The following ZBTB7C variants were observed in gnomAD, a reference collection of about 807,000 sequenced individuals.
The protein encoded by ZBTB7C is zinc finger and BTB domain containing 7C.
In ZBTB7C, 8 loss-of-function variants were observed where a neutral mutation model predicts 25.7. The ratio of observed to expected loss-of-function variants is 0.31; its 90% confidence interval spans 0.18 to 0.56. The LOEUF is 0.56. ZBTB7C is among the 20% of genes least tolerant of loss of function. ZBTB7C has a pLI of 0.91. For missense variants in ZBTB7C, 824 were observed against 855.2 expected (o/e 0.96, Z 0.46); for synonymous variants, 394 against 369.0 (o/e 1.07, Z -0.78).
intron 3 of ZBTB7C, among the ~76,000 whole-genome samples, chr18:48,132,315 T>C (rs1276169265): frequency 6.6e-6 from 1 of 152,172 alleles, no homozygotes; most frequent in African/African-American, 2.4e-5. Flanking sequence ...AAGACACTAG[T>C]CACAAAAGAC....
intron 3 of ZBTB7C, among the ~76,000 whole-genome samples, chr18:48,106,507 A>ATT (rs2039033245): frequency 6.6e-6 from 1 of 152,194 alleles, no homozygotes; most frequent in Non-Finnish European, 1.5e-5. Context: ...ACTCAAAAGG[A>ATT]GAAGTGTATT....
chr18:48,271,338 A>G (rs1347655144), intron 2 of ZBTB7C, among the ~76,000 whole-genome samples: 1 of 152,038 alleles, frequency 6.6e-6, no homozygotes, highest in Non-Finnish European at 1.5e-5. Context: ...CAAAAATCCT[A>G]TTTTTAAAAG....
intron 3 of ZBTB7C, among the ~76,000 whole-genome samples, chr18:48,155,362 C>CT (rs1462876906): frequency 8.8e-6 from 1 of 113,322 alleles, no homozygotes; most frequent in African/African-American, 3.4e-5. Flanking sequence ...GAGTCTCACT[C>CT]TATCGCCCAG....
intron 1 of ZBTB7C, among the ~76,000 whole-genome samples, chr18:48,341,278 G>T (rs1336907397): frequency 6.6e-6 from 1 of 152,222 alleles, no homozygotes; most frequent in African/African-American, 2.4e-5. Flanking sequence ...AGGAAGGAAG[G>T]ATAGGATAAG....
chr18:48,226,928 G>A (rs2043111655), intron 2 of ZBTB7C, among the ~76,000 whole-genome samples: 2 of 149,874 alleles, frequency 1.3e-5, no homozygotes, highest in Admixed American at 6.7e-5. Context: ...GCTGAGGCAG[G>A]AGAATCGCTT....
At chr18:48,304,359 G>A (rs17750694) in intron 2 of ZBTB7C, among the ~76,000 whole-genome samples, 26,831 of 152,188 alleles carry the variant, frequency 0.18, 3,009 homozygotes, top group Middle Eastern at 0.25. Context: ...ACACCAATGT[G>A]GGGGACACAC....
intron 3 of ZBTB7C, among the ~76,000 whole-genome samples, chr18:48,144,095 T>C (rs569933231): frequency 1.2e-4 from 18 of 152,108 alleles, no homozygotes; most frequent in Non-Finnish European, 2.2e-4. Flanking sequence ...CTGGCCAACA[T>C]GGTGAAAGCC....
intron 3 of ZBTB7C, among the ~76,000 whole-genome samples, chr18:48,134,771 G>A (rs2040095379): frequency 6.6e-6 from 1 of 152,218 alleles, no homozygotes; most frequent in South Asian, 2.1e-4. Flanking sequence ...GACTGTTTGG[G>A]CCTCTTCTTG....
At chr18:48,408,134 C>T (rs774304859) in intron 1 of ZBTB7C, among the ~76,000 whole-genome samples, 3 of 152,230 alleles carry the variant, frequency 2.0e-5, no homozygotes, top group Non-Finnish European at 4.4e-5. Flanking sequence ...AGGCAGCGCA[C>T]GCCACCCACC....
Position 48,343,002 on chromosome 18 carries a change from TGCTCCAAGGAGACCCAGGAC to T in ZBTB7C, c.-303-4624_-303-4605del, listed in dbSNP as rs1598912592. On this transcript the variant is annotated intron_variant, in intron 1 of 4. Transcript: ENST00000590800. The stretch of plus-strand genomic sequence containing the variant: ...CAGTACCTGCTGGCTGGCCTGGCAG[TGCTCCAAGGAGACCCAGGAC>T]GCTCAGGCCACCCGGTACAAACACA... 3.3e-5 allele frequency among the ~76,000 whole-genome samples: 5 copies of T among 152,282 alleles called. No individual in the cohort carries two copies. In the East Asian group the frequency reaches 7.7e-4, roughly 24 times the overall value.
intron 3 of ZBTB7C, among the ~76,000 whole-genome samples, chr18:48,158,317 T>C (rs546189337): frequency 3.9e-5 from 6 of 152,332 alleles, no homozygotes; most frequent in African/African-American, 1.4e-4. Context: ...CTCATAACTC[T>C]GGCCCTCGCA....
At chr18:48,112,423 C>T (rs1301831120) in intron 3 of ZBTB7C, among the ~76,000 whole-genome samples, 1 of 151,622 alleles carries the variant, frequency 6.6e-6, no homozygotes, top group Admixed American at 6.6e-5. Context: ...CTCAGCTCAC[C>T]ACAACCCCTG....
At chr18:48,049,670 T>C (rs556869069) in intron 3 of ZBTB7C, among the ~76,000 whole-genome samples, 1 of 152,280 alleles carries the variant, frequency 6.6e-6, no homozygotes, top group Non-Finnish European at 1.5e-5. Flanking sequence ...TGATCCCTGT[T>C]ATGGTAATCA....
intron 3 of ZBTB7C, among the ~76,000 whole-genome samples, chr18:48,137,593 C>A (rs2040214942): frequency 6.6e-6 from 1 of 152,194 alleles, no homozygotes; most frequent in African/African-American, 2.4e-5. Flanking sequence ...TATGTTTTCT[C>A]CTTACAGGGT....
At chr18:48,243,043 C>T (rs551721038) in intron 2 of ZBTB7C, among the ~76,000 whole-genome samples, 57 of 152,040 alleles carry the variant, frequency 3.7e-4, no homozygotes, top group African/African-American at 1.2e-3. Flanking sequence ...GCAGGTGGAT[C>T]GCTTGAGGAC....
At chr18:48,310,365 A>G (rs998612866) in intron 2 of ZBTB7C, among the ~76,000 whole-genome samples, 1 of 151,186 alleles carries the variant, frequency 6.6e-6, no homozygotes, top group African/African-American at 2.4e-5. Context: ...TCCGCGTTCC[A>G]TTTTCCAGGC....
At chr18:48,192,820 G>A (rs1357785042) in intron 2 of ZBTB7C, among the ~76,000 whole-genome samples, 1 of 152,232 alleles carries the variant, frequency 6.6e-6, no homozygotes, top group African/African-American at 2.4e-5. Flanking sequence ...TATAACAAAT[G>A]TGCCACACTA....
At chr18:48,149,889 CA>C (rs1442238444) in intron 3 of ZBTB7C, 1 of 150,998 alleles carries the variant, frequency 6.6e-6, no homozygotes, top group African/African-American at 2.4e-5. Context: ...CTGCAACCTC[CA>C]CCTTCCGGGT....
At chr18:48,073,082 T>C (rs111477058) in intron 3 of ZBTB7C, among the ~76,000 whole-genome samples, 3 of 152,208 alleles carry the variant, frequency 2.0e-5, no homozygotes, top group East Asian at 1.9e-4. Flanking sequence ...CAGGCCCAGT[T>C]TGGCCATGGA....
Sources: gnomAD v4.1 joint callset for allele counts (sites outside exome capture counted in the v4.1 genomes callset) on GRCh38, gnomAD v4.1.1 for gene constraint, MANE v1.5 for transcripts, NCBI Gene and HGNC (gene_info 2026-07-23, HGNC 2026-07-21) for gene names.